MRRF: variants seen among roughly 807,000 people sequenced by gnomAD.
The protein encoded by MRRF is mitochondrial ribosome recycling factor.
In MRRF, 18 loss-of-function variants were observed where a neutral mutation model predicts 25.1. The observed-to-expected ratio is 0.72, with a 90% confidence interval of 0.50 to 1.06. The LOEUF (loss-of-function observed/expected upper bound fraction) is 1.06, where lower values mean the gene tolerates loss of function less well. MRRF is among the 50% of genes least tolerant of loss of function. The pLI, the probability that MRRF is intolerant of heterozygous loss-of-function variation, is 0.00. For missense variants in MRRF, 323 were observed against 319.3 expected (o/e 1.01, Z -0.09); for synonymous variants, 113 against 112.1 (o/e 1.01, Z -0.05).
At chr9:122,287,514 G>A (rs1016151747) in intron 4 of MRRF, among the ~76,000 whole-genome samples, 1 of 151,746 alleles carries the variant, frequency 6.6e-6, no homozygotes, top group East Asian at 1.9e-4. Flanking sequence ...TTAGGGAATA[G>A]CCTCCTAATT....
chr9:122,321,528 T>C (rs1199095918), intron 6 of MRRF, among the ~76,000 whole-genome samples: 1 of 152,230 alleles, frequency 6.6e-6, no homozygotes, highest in African/African-American at 2.4e-5. Flanking sequence ...TTGAGAGATT[T>C]TGGGGTTAAA....
rs1836244780 is a variant in MRRF at position 122,330,104 on chromosome 9, C to T, written c.*7487C>T. ...AGGCCACTGGCATCTACTGTACTCC[C>T]CTCCCACCGGCGCTTCCCTTTGCTA... On this transcript the variant is annotated 3_prime_UTR_variant, in exon 7 of 7. Transcript: ENST00000344641. This position sits in a 1 kb window ranked among gnomAD's most constrained non-coding sequence, Gnocchi z 4.2. 1 of 152,376 alleles carries T rather than the reference C, an allele frequency of 6.6e-6. No individual in the cohort carries two copies. The allele number at this position is 152,376 out of a possible 1,614,324, so 9.4% of individuals were successfully genotyped here.
At chr9:122,306,758 G>A (rs927848294) in intron 5 of MRRF, among the ~76,000 whole-genome samples, 3 of 152,168 alleles carry the variant, frequency 2.0e-5, no homozygotes, top group African/African-American at 7.2e-5. Flanking sequence ...TGGCGACAGG[G>A]AAAGAGAAGA....
chr9:122,292,215 A>T (rs1400706140), intron 5 of MRRF, among the ~76,000 whole-genome samples: 1 of 152,176 alleles, frequency 6.6e-6, no homozygotes, highest in Admixed American at 6.5e-5. Context: ...CTGTAGCCTG[A>T]GAAGACTCTT....
chr9:122,274,490 C>G (rs1832652967), intron 2 of MRRF, among the ~76,000 whole-genome samples: 1 of 150,560 alleles, frequency 6.6e-6, no homozygotes. Context: ...AACCCGGCCC[C>G]TTGCGTGTTT....
At chr9:122,312,283 CAT>C (rs1238414101) in intron 5 of MRRF, among the ~76,000 whole-genome samples, 1 of 152,192 alleles carries the variant, frequency 6.6e-6, no homozygotes, top group Non-Finnish European at 1.5e-5. Context: ...TTAAAGTACT[CAT>C]GTGGCATAGA....
intron 1 of MRRF, chr9:122,265,687 G>C: frequency 1.8e-6 from 2 of 1,095,622 alleles, no homozygotes; most frequent in Non-Finnish European, 2.5e-6. Context: ...GAAATCACTT[G>C]GTACAAGTCA....
Position 122,313,345 on chromosome 9 carries a change from G to C in MRRF, c.670G>C (p.Asp224His). The C allele has an allele frequency of 6.2e-7, 1 of 1,614,126 alleles. No homozygotes were observed. The highest frequency in any genetic ancestry group is 1.3e-5 in the African/African-American group (1 of 75,054). Reference sequence around the variant, plus strand: ...AATGAACAAGCTGAAGAAATCCAAGGATACAGTCTCAGAGGACACCATTAG... The same window carrying C: ...AATGAACAAGCTGAAGAAATCCAAGCATACAGTCTCAGAGGACACCATTAG... ...NSMNKLKKSK[D>H]TVSEDTIRLI... The change falls in exon 6 of 7, where the codon GAT (aspartate) becomes CAT (histidine). Residue 224 changes from aspartate (D) to histidine (H), a missense_variant. Coordinates refer to ENST00000344641, the MANE Select transcript of MRRF (RefSeq NM_138777.5).
chr9:122,290,969 A>G (rs576820804), intron 4 of MRRF, among the ~76,000 whole-genome samples: 10 of 152,366 alleles, frequency 6.6e-5, no homozygotes, highest in African/African-American at 2.4e-4. Context: ...TTACCTTTAT[A>G]TAATAAATGT....
chr9:122,290,784 AT>A (rs934313973), intron 4 of MRRF, among the ~76,000 whole-genome samples: 1 of 152,140 alleles, frequency 6.6e-6, no homozygotes, highest in Non-Finnish European at 1.5e-5. Flanking sequence ...AGGTATAGTT[AT>A]AATGTTGCTT....
chr9:122,293,584 T>G (rs1039673226), intron 5 of MRRF, among the ~76,000 whole-genome samples: 13 of 152,232 alleles, frequency 8.5e-5, no homozygotes, highest in Non-Finnish European at 1.5e-4. Context: ...CACTCTGCTT[T>G]GAAATCATGT....
intron 2 of MRRF, among the ~76,000 whole-genome samples, chr9:122,274,727 T>C (rs1832674102): frequency 6.6e-6 from 1 of 152,200 alleles, no homozygotes. Flanking sequence ...AATAGTCTCT[T>C]ATTAAGATTT....
intron 3 of MRRF, among the ~76,000 whole-genome samples, chr9:122,282,208 TC>T (rs1251428801): frequency 6.6e-6 from 1 of 152,194 alleles, no homozygotes; most frequent in East Asian, 1.9e-4. Context: ...CAGGTACTTT[TC>T]CCCCTACCTT....
At chr9:122,312,793 T>C (rs1411360759) in intron 5 of MRRF, among the ~76,000 whole-genome samples, 1 of 152,240 alleles carries the variant, frequency 6.6e-6, no homozygotes, top group African/African-American at 2.4e-5. Flanking sequence ...CTTTCTTTGT[T>C]ATCAGTGCTC....
chr9:122,306,738 C>T (rs1365694263), intron 5 of MRRF, among the ~76,000 whole-genome samples: 1 of 152,188 alleles, frequency 6.6e-6, no homozygotes, highest in Admixed American at 6.5e-5. Flanking sequence ...CTTGGGTTTC[C>T]ATCCTTCTGT....
In MRRF at chr9:122,291,773, A is replaced by G. The variant is rs759128028; in HGVS notation, c.484A>G (p.Ile162Val). The G allele has an allele frequency of 1.9e-6, 3 of 1,613,508 alleles. No individual in the cohort carries two copies. Among genetic ancestry groups the G allele is most frequent in the Admixed American group, 1.7e-5 (1 of 60,026 alleles). The change falls in exon 5 of 7, where the codon ATA (isoleucine) becomes GTA (valine). Residue 162 changes from isoleucine to valine, a missense_variant. Coordinates refer to ENST00000344641, the MANE Select transcript of MRRF (RefSeq NM_138777.5). ...PECTAAAIKA[I>V]RESGMNLNPE... ...GTGTACAGCTGCAGCTATCAAGGCT[A>G]TAAGAGAAAGTGGAATGAATCTGAA...
chr9:122,319,676 A>T (rs1012572861), intron 6 of MRRF, among the ~76,000 whole-genome samples: 1 of 152,128 alleles, frequency 6.6e-6, no homozygotes, highest in South Asian at 2.1e-4. Flanking sequence ...ATTGTGTGCA[A>T]TAATGCATGT....
chr9:122,304,237 A>G (rs995782561), intron 5 of MRRF, among the ~76,000 whole-genome samples: 2 of 152,146 alleles, frequency 1.3e-5, no homozygotes, highest in Admixed American at 6.5e-5. Context: ...CCTGCTTGCC[A>G]TTGCTGCATT....
intron 5 of MRRF, among the ~76,000 whole-genome samples, chr9:122,306,837 T>C (rs1315549883): frequency 6.6e-6 from 1 of 152,186 alleles, no homozygotes; most frequent in Non-Finnish European, 1.5e-5. Context: ...CTTTCTCATT[T>C]GGTCAGGCTG....
Sources: gnomAD v4.1 joint callset for allele counts (sites outside exome capture counted in the v4.1 genomes callset) on GRCh38, gnomAD v4.1.1 for gene constraint, Gnocchi (gnomAD v3.1) non-coding constraint, MANE v1.5 for transcripts, NCBI Gene and HGNC (gene_info 2026-07-23, HGNC 2026-07-21) for gene names.